The following COL25A1 variants were observed in gnomAD, a reference collection of about 807,000 sequenced individuals.
The protein encoded by COL25A1 is collagen type XXV alpha 1 chain, also known as collagen alpha-1(XXV) chain.
COL25A1 carries 103 observed loss-of-function variants against 128.4 expected under a neutral mutation model. The ratio of observed to expected loss-of-function variants is 0.80; its 90% CI spans 0.68 to 0.94. COL25A1 has a LOEUF of 0.94. Among genes scored for constraint, COL25A1 ranks in the 40% least tolerant of loss-of-function variants. The pLI, the probability that COL25A1 is intolerant of heterozygous loss-of-function variation, is 0.00. For missense variants in COL25A1, 745 were observed against 840.0 expected, an observed-to-expected ratio of 0.89 and a Z score of 1.40; for synonymous variants, 279 against 277.2, an observed-to-expected ratio of 1.01 and a Z score of -0.06.
At chr4:108,957,544 C>T (rs939183531) in intron 8 of COL25A1, among the ~76,000 whole-genome samples, 5 of 152,088 alleles carry the variant, frequency 3.3e-5, no homozygotes, top group Admixed American at 2.0e-4. Flanking sequence ...AAGTAGAAAA[C>T]GGTAGATGTT....
chr4:108,953,798 A>T (rs2125952613), intron 8 of COL25A1, among the ~76,000 whole-genome samples: 1 of 152,314 alleles, frequency 6.6e-6, no homozygotes, highest in Non-Finnish European at 1.5e-5. Flanking sequence ...TACATTTGAT[A>T]GTAGGATTTT....
At chr4:108,943,869 A>G (rs113180650) in intron 8 of COL25A1, among the ~76,000 whole-genome samples, 3 of 151,832 alleles carry the variant, frequency 2.0e-5, no homozygotes, top group Non-Finnish European at 4.4e-5. Flanking sequence ...AAATAAAATA[A>G]ACAACAACCA....
rs138807263 is a variant in COL25A1 at position 109,169,514 on chromosome 4, T to A, written c.368-119335A>T. Among the ~76,000 whole-genome samples the A allele has an allele frequency of 4.5e-4, 69 of 152,314 alleles. No homozygotes were observed. The East Asian group carries it at 0.011, about 24-fold the overall frequency. On this transcript the variant is annotated intron_variant, in intron 3 of 37. Coordinates refer to ENST00000399132, the MANE Select transcript of COL25A1 (RefSeq NM_198721.4). ...TGCATATATCTATATCTCTATCACC[T>A]GTCTAATGCTTTATATAAGTGCTCA... is the stretch of plus-strand genomic sequence containing the variant.
intron 11 of COL25A1, among the ~76,000 whole-genome samples, chr4:108,928,502 TTATTTATTTATG>T (rs36231095): frequency 0.046 from 6,504 of 141,784 alleles, 211 homozygotes; most frequent in African/African-American, 0.092. Flanking sequence ...ATTTTTAATT[TTATTTATTTATG>T]TATTTATTTA....
chr4:108,865,074 A>G (rs1737724637), intron 20 of COL25A1, among the ~76,000 whole-genome samples: 1 of 152,188 alleles, frequency 6.6e-6, no homozygotes. Context: ...AAAACTTGCT[A>G]AATTGCCCTC....
chr4:109,281,007 T>C (rs1723327596), intron 3 of COL25A1, among the ~76,000 whole-genome samples: 1 of 152,166 alleles, frequency 6.6e-6, no homozygotes, highest in African/African-American at 2.4e-5. Flanking sequence ...TAGCTATAGA[T>C]ATAACAGATA....
At chr4:108,891,736 T>C (rs1004039917) in intron 16 of COL25A1, among the ~76,000 whole-genome samples, 2 of 151,904 alleles carry the variant, frequency 1.3e-5, no homozygotes, top group Non-Finnish European at 2.9e-5. Flanking sequence ...TACAAAAAAA[T>C]TGTTGGCTTA....
Position 108,943,199 on chromosome 4 carries a change from A to T in COL25A1, c.493-1762T>A, listed in dbSNP as rs1748345768. ...TTTCTGGAATCTTACTTACAAAATT[A>T]CAACATCTTAATTACAAAATGTTAG... On this transcript the variant is annotated intron_variant, in intron 8 of 37. Coordinates refer to ENST00000399132, the MANE Select transcript of COL25A1 (RefSeq NM_198721.4). 2.0e-5 allele frequency among the ~76,000 whole-genome samples: 3 copies of T among 152,354 alleles called. No homozygotes were observed. In the South Asian group the frequency reaches 6.2e-4, roughly 32 times the overall value.
rs114078084 is a variant in COL25A1 at position 109,041,205 on chromosome 4, G to A, written c.420+6963C>T. Among the ~76,000 whole-genome samples the A allele has an allele frequency of 7.0e-3, 1,071 of 152,122 alleles. 18 individuals are homozygous for A. Among genetic ancestry groups the A allele is most frequent in the African/African-American group, 0.023 (962 of 41,494 alleles). On this transcript the variant is annotated intron_variant, in intron 5 of 37. Transcript: ENST00000399132. Reference sequence around the variant, plus strand: ...AAACGGTACAAGGAAAGAGAAGGCCGTAACAATGAATAGAGGTGCCTAAAG... The same window carrying A: ...AAACGGTACAAGGAAAGAGAAGGCCATAACAATGAATAGAGGTGCCTAAAG...
chr4:109,164,596 A>C (rs1772893784), intron 3 of COL25A1, among the ~76,000 whole-genome samples: 1 of 152,208 alleles, frequency 6.6e-6, no homozygotes, highest in African/African-American at 2.4e-5. Flanking sequence ...AAACTAGGTT[A>C]GCAACATTCA....
intron 3 of COL25A1, among the ~76,000 whole-genome samples, chr4:109,074,140 G>A (rs1018470391): frequency 2.6e-5 from 4 of 152,158 alleles, no homozygotes; most frequent in Non-Finnish European, 5.9e-5. Flanking sequence ...CAGTTCCACA[G>A]TAGGATTCCC....
intron 3 of COL25A1, among the ~76,000 whole-genome samples, chr4:109,268,485 T>C (rs750796666): frequency 6.6e-6 from 1 of 152,186 alleles, no homozygotes; most frequent in Non-Finnish European, 1.5e-5. Flanking sequence ...TCTGGGTAGA[T>C]GAGCAGTTTG....
intron 3 of COL25A1, among the ~76,000 whole-genome samples, chr4:109,288,310 G>A (rs1172754981): frequency 6.6e-6 from 1 of 152,052 alleles, no homozygotes; most frequent in Non-Finnish European, 1.5e-5. Flanking sequence ...TTTAAATACA[G>A]TAATGGAGTT....
At chr4:109,283,323 T>A (rs1186623140) in intron 3 of COL25A1, among the ~76,000 whole-genome samples, 1 of 152,168 alleles carries the variant, frequency 6.6e-6, no homozygotes, top group African/African-American at 2.4e-5. Flanking sequence ...CCATGGCTCA[T>A]ATAACCTCGA....
At chr4:109,079,781 T>C (rs910430645) in intron 3 of COL25A1, among the ~76,000 whole-genome samples, 5 of 139,054 alleles carry the variant, frequency 3.6e-5, no homozygotes, top group Admixed American at 1.7e-4. Flanking sequence ...AAAAGTCTTA[T>C]TTATTTACAT....
chr4:109,269,179 G>T (rs927880104), intron 3 of COL25A1, among the ~76,000 whole-genome samples: 1 of 149,820 alleles, frequency 6.7e-6, no homozygotes, highest in Non-Finnish European at 1.5e-5. Flanking sequence ...GAGAATATGC[G>T]GTGTTTGGTT....
intron 3 of COL25A1, among the ~76,000 whole-genome samples, chr4:109,194,069 A>T (rs1019215921): frequency 5.3e-5 from 8 of 152,224 alleles, no homozygotes; most frequent in Non-Finnish European, 1.2e-4. Flanking sequence ...TAACATGAGC[A>T]AGCGAACTTG....
At chr4:109,122,120 G>C (rs182533598) in intron 3 of COL25A1, among the ~76,000 whole-genome samples, 1 of 152,104 alleles carries the variant, frequency 6.6e-6, no homozygotes, top group Non-Finnish European at 1.5e-5. Context: ...AAGGGTTAGA[G>C]GAGAGGGAGG....
chr4:108,935,858 T>TA (rs1311121086), intron 11 of COL25A1, among the ~76,000 whole-genome samples: 1 of 152,152 alleles, frequency 6.6e-6, no homozygotes, highest in Non-Finnish European at 1.5e-5. Flanking sequence ...TAAGAATTTT[T>TA]AAAAAATATA....
Sources: gnomAD v4.1 joint callset for allele counts (sites outside exome capture counted in the v4.1 genomes callset) on GRCh38, gnomAD v4.1.1 for gene constraint, MANE v1.5 for transcripts, NCBI Gene and HGNC (gene_info 2026-07-23, HGNC 2026-07-21) for gene names.